Variants in CSMD1 observed in about 807,000 individuals in gnomAD.
CSMD1 encodes CUB and Sushi multiple domains 1, also known as CUB and sushi domain-containing protein 1.
A neutral mutation model predicts 417.5 loss-of-function variants in CSMD1; 213 were observed. The ratio of observed to expected loss-of-function variants is 0.51; its 90% CI spans 0.46 to 0.57. The LOEUF (loss-of-function observed/expected upper bound fraction) is 0.57, where lower values mean the gene tolerates loss of function less well. CSMD1 is among the 20% of genes least tolerant of loss of function. The probability of loss-of-function intolerance (pLI) is 0.00; values close to 1 mark genes in which losing one functional copy is unlikely to be tolerated. For synonymous variants in CSMD1, 2,862 were observed against 1,736.8 expected (o/e 1.65, Z -16.11); for missense variants, 6,923 against 4,529.7 (o/e 1.53, Z -15.17).
intron 3 of CSMD1, among the ~76,000 whole-genome samples, chr8:4,411,711 T>TA (rs1294261984): frequency 1.3e-5 from 2 of 152,200 alleles, no homozygotes; most frequent in African/African-American, 4.8e-5. Flanking sequence ...AAAGCATATA[T>TA]ATATGTGTGC....
In CSMD1 at chr8:4,968,570, GCCTGA is replaced by G. The variant is rs553298821; in HGVS notation, c.85+25757_85+25761del. Among the ~76,000 whole-genome samples, 63 of 151,912 alleles carry G rather than the reference GCCTGA, an allele frequency of 4.1e-4. No individual in the cohort carries two copies. The South Asian group carries it at 6.5e-3, about 16-fold the overall frequency. ...ATTTTTTATATATATTTTTTTCCGG[GCCTGA>G]ACCAAAGGAGACTCTCCATAATCAG... is the stretch of plus-strand genomic sequence containing the variant. On this transcript the variant is annotated intron_variant, in intron 1 of 69. Transcript: ENST00000635120.
At chr8:3,729,265 C>T (rs532107893) in intron 6 of CSMD1, among the ~76,000 whole-genome samples, 1 of 152,280 alleles carries the variant, frequency 6.6e-6, no homozygotes, top group East Asian at 1.9e-4. Context: ...CGGCTTGCTA[C>T]AGGAAGTGTT....
chr8:3,275,608 C>T (rs986503876), intron 26 of CSMD1, among the ~76,000 whole-genome samples: 3 of 152,180 alleles, frequency 2.0e-5, no homozygotes, highest in Non-Finnish European at 4.4e-5. Context: ...TCCCATATTT[C>T]TTGGAGGCTT....
intron 1 of CSMD1, among the ~76,000 whole-genome samples, chr8:4,723,472 A>C (rs1004304814): frequency 6.6e-6 from 1 of 152,198 alleles, no homozygotes; most frequent in Admixed American, 6.6e-5. Flanking sequence ...TCAAGTCACT[A>C]AAGTGTGTTA....
chr8:3,854,559 A>G (rs1344448882), intron 5 of CSMD1, among the ~76,000 whole-genome samples: 1 of 152,040 alleles, frequency 6.6e-6, no homozygotes, highest in Non-Finnish European at 1.5e-5. Context: ...CTGCTTACTT[A>G]GCTTTTCTAT....
chr8:3,696,286 C>T (rs1800547434), intron 7 of CSMD1, among the ~76,000 whole-genome samples: 1 of 152,128 alleles, frequency 6.6e-6, no homozygotes, highest in Admixed American at 6.6e-5. Flanking sequence ...TAATAATATG[C>T]AGTGCATGCA....
intron 2 of CSMD1, among the ~76,000 whole-genome samples, chr8:4,592,893 T>C (rs1800062683): frequency 2.0e-5 from 3 of 152,332 alleles, no homozygotes; most frequent in Non-Finnish European, 2.9e-5. Context: ...CCAAATTCTA[T>C]GTTAATATTT....
intron 2 of CSMD1, among the ~76,000 whole-genome samples, chr8:4,489,938 C>G (rs578052569): frequency 6.6e-6 from 1 of 152,000 alleles, no homozygotes; most frequent in Non-Finnish European, 1.5e-5. Flanking sequence ...GCCACTATGT[C>G]TGTGATCGTC....
chr8:3,015,802 T>G (rs1464995287), intron 52 of CSMD1, among the ~76,000 whole-genome samples: 1 of 151,970 alleles, frequency 6.6e-6, no homozygotes, highest in Non-Finnish European at 1.5e-5. Flanking sequence ...AATAACAAGT[T>G]AAGAGATGGA....
intron 49 of CSMD1, among the ~76,000 whole-genome samples, chr8:3,070,431 T>A (rs912734005): frequency 3.3e-5 from 5 of 152,238 alleles, no homozygotes. Context: ...GAACATAGGC[T>A]GTATAAAGCA....
chr8:4,766,009 A>G (rs1001816091), intron 1 of CSMD1, among the ~76,000 whole-genome samples: 4 of 152,210 alleles, frequency 2.6e-5, no homozygotes, highest in African/African-American at 9.6e-5. Context: ...GCATTCATTC[A>G]AATATATATT....
chr8:3,635,862 C>T (rs1351583367), intron 7 of CSMD1, among the ~76,000 whole-genome samples: 4 of 148,464 alleles, frequency 2.7e-5, no homozygotes, highest in Non-Finnish European at 5.9e-5. Flanking sequence ...ACTTAGGTTA[C>T]TCTACATTTG....
At chr8:3,888,980 C>T (rs548634993) in intron 5 of CSMD1, among the ~76,000 whole-genome samples, 4 of 152,140 alleles carry the variant, frequency 2.6e-5, no homozygotes, top group South Asian at 4.2e-4. Context: ...GAAACTTTAT[C>T]CTTTATGACC....
At chr8:4,257,494 T>G (rs1803544957) in intron 3 of CSMD1, among the ~76,000 whole-genome samples, 1 of 152,222 alleles carries the variant, frequency 6.6e-6, no homozygotes, top group African/African-American at 2.4e-5. Context: ...TCTATTAATT[T>G]TCATATTTCC....
At chr8:4,567,367 C>T (rs1798662079) in intron 2 of CSMD1, among the ~76,000 whole-genome samples, 2 of 152,084 alleles carry the variant, frequency 1.3e-5, no homozygotes, top group Non-Finnish European at 1.5e-5. Context: ...TGGAAGAGAC[C>T]TCTGTTGCAC....
At chr8:3,390,090 C>G (rs565299051) in intron 17 of CSMD1, among the ~76,000 whole-genome samples, 1 of 152,026 alleles carries the variant, frequency 6.6e-6, no homozygotes, top group Non-Finnish European at 1.5e-5. Context: ...CACGGTGGCT[C>G]ATGCTTGTAA....
chr8:3,998,361 AC>A (rs2130343624), intron 4 of CSMD1, among the ~76,000 whole-genome samples: 1 of 152,344 alleles, frequency 6.6e-6, no homozygotes, highest in East Asian at 1.9e-4. Flanking sequence ...CTTTTCTGAA[AC>A]ATGGAAAGTG....
chr8:3,943,773 C>G (rs1412983932), intron 5 of CSMD1, among the ~76,000 whole-genome samples: 3 of 151,950 alleles, frequency 2.0e-5, no homozygotes, highest in Non-Finnish European at 4.4e-5. Flanking sequence ...TAAATAAACC[C>G]AAATTTAGGG....
chr8:4,017,975 A>G (rs11780696), intron 4 of CSMD1, among the ~76,000 whole-genome samples: 13,760 of 152,122 alleles, frequency 0.09, 671 homozygotes, highest in Middle Eastern at 0.13. Flanking sequence ...GCATTTATAC[A>G]TGTTGCATTT....
Sources: allele counts gnomAD v4.1 joint callset (sites outside exome capture counted in the v4.1 genomes callset), GRCh38; gene constraint gnomAD v4.1.1; transcripts MANE v1.5; gene names NCBI Gene and HGNC (gene_info 2026-07-23, HGNC 2026-07-21).